The following PRMT3 variants were observed in gnomAD, a reference collection of about 807,000 sequenced individuals.
The protein encoded by PRMT3 is protein arginine N-methyltransferase 3.
A neutral mutation model predicts 71.9 loss-of-function variants in PRMT3; 62 were observed. The observed-to-expected ratio is 0.86, with a 90% confidence interval of 0.70 to 1.07. PRMT3 has a LOEUF of 1.07. Among genes scored for constraint, PRMT3 ranks in the 50% least tolerant of loss-of-function variants. PRMT3 has a pLI of 0.00. For missense variants in PRMT3, 663 were observed against 643.0 expected, an observed-to-expected ratio of 1.03 and a Z score of -0.34; for synonymous variants, 213 against 220.4, an observed-to-expected ratio of 0.97 and a Z score of 0.30.
At chr11:20,481,502 G>A (rs1376702727) in intron 13 of PRMT3, among the ~76,000 whole-genome samples, 1 of 152,050 alleles carries the variant, frequency 6.6e-6, no homozygotes, top group Non-Finnish European at 1.5e-5. Flanking sequence ...CTGGAGCCCA[G>A]CCAAAGAAAT....
At chr11:20,492,448 C>T (rs561374002) in intron 13 of PRMT3, among the ~76,000 whole-genome samples, 1 of 152,176 alleles carries the variant, frequency 6.6e-6, no homozygotes, top group Admixed American at 6.5e-5. Context: ...TATTTTGATT[C>T]TCTCTTGGTA....
chr11:20,472,132 A>G (rs1407202239), intron 13 of PRMT3, among the ~76,000 whole-genome samples: 2 of 152,188 alleles, frequency 1.3e-5, no homozygotes, highest in Non-Finnish European at 2.9e-5. Context: ...ATACAGGATC[A>G]TGTCATCTGC....
chr11:20,447,068 A>C (rs1284570967), intron 10 of PRMT3, among the ~76,000 whole-genome samples: 1 of 152,196 alleles, frequency 6.6e-6, no homozygotes, highest in Non-Finnish European at 1.5e-5. Context: ...CATTGAAAAA[A>C]CTTTGCAGTA....
intron 11 of PRMT3, among the ~76,000 whole-genome samples, chr11:20,459,749 T>A (rs1188108869): frequency 6.6e-6 from 1 of 152,248 alleles, no homozygotes; most frequent in African/African-American, 2.4e-5. Flanking sequence ...TCTGAATTCT[T>A]ATTTTTTTAT....
intron 9 of PRMT3, among the ~76,000 whole-genome samples, chr11:20,413,099 C>T (rs1267974016): frequency 6.6e-6 from 1 of 152,136 alleles, no homozygotes; most frequent in Non-Finnish European, 1.5e-5. Context: ...AAAAGCAGGC[C>T]TTTTTGTTTT....
chr11:20,397,977 C>A (rs1848864960), intron 7 of PRMT3, among the ~76,000 whole-genome samples: 1 of 138,324 alleles, frequency 7.2e-6, no homozygotes, highest in Non-Finnish European at 1.5e-5. Flanking sequence ...AGTTTGACAC[C>A]AGCCTGGGCA....
rs187684720 is a variant in PRMT3 at position 20,427,353 on chromosome 11, G to C, written c.993+488G>C. ...GCTGTTACTGAAATATTAAAAGGAA[G>C]GTATGTTACATAGCTTTATAATTTG... On this transcript the variant is annotated intron_variant, in intron 10 of 15. Coordinates refer to ENST00000331079, the MANE Select transcript of PRMT3 (RefSeq NM_005788.4). Among the ~76,000 whole-genome samples the C allele has an allele frequency of 1.1e-4, 16 of 152,182 alleles. No homozygotes were observed. In the East Asian group the frequency reaches 3.1e-3, roughly 29 times the overall value.
intron 9 of PRMT3, among the ~76,000 whole-genome samples, chr11:20,408,238 T>C (rs1849116248): frequency 6.6e-6 from 1 of 152,082 alleles, no homozygotes; most frequent in African/African-American, 2.4e-5. Context: ...CAGTTCTCAT[T>C]GATGAGAATT....
In PRMT3 at chr11:20,504,707, T is replaced by TGTGAGAGAGAGAGAGAGA. The variant is rs1332372470; in HGVS notation, c.1487-3596_1487-3595insTGAGAGAGAGAGAGAGAG. Among the ~76,000 whole-genome samples, 152 of 133,588 alleles carry TGTGAGAGAGAGAGAGAGA rather than the reference T, an allele frequency of 1.1e-3. 1 individual carries two copies. The highest frequency in any genetic ancestry group is 4.4e-3 in the African/African-American group (144 of 33,078). 87.6% of individuals were successfully genotyped at this position (133,588 alleles called of 152,430 possible). On this transcript the variant is annotated intron_variant, in intron 15 of 15. Coordinates refer to ENST00000331079, the MANE Select transcript of PRMT3 (RefSeq NM_005788.4). Reference sequence around the variant, plus strand: ...TATTGTATGTGTGTGTGTGTGTGTGTGAGAGAGAGAGAGAGAGAGAGAGAG... The same window carrying TGTGAGAGAGAGAGAGAGA: ...TATTGTATGTGTGTGTGTGTGTGTGTGTGAGAGAGAGAGAGAGAGAGAGAGAGAGAGAGAGAGAGAGAG...
chr11:20,497,337 C>T (rs944758439), intron 15 of PRMT3, among the ~76,000 whole-genome samples: 9 of 152,128 alleles, frequency 5.9e-5, no homozygotes, highest in African/African-American at 2.2e-4. Context: ...GCTGGCACCA[C>T]CTGTGTTTCT....
intron 8 of PRMT3, chr11:20,406,003 C>G (rs1849061532): frequency 6.6e-6 from 1 of 152,176 alleles, no homozygotes; most frequent in East Asian, 1.9e-4. Flanking sequence ...CACTGTTCTA[C>G]TTTCTGTCTC....
At chr11:20,446,701 T>C (rs1340819945) in intron 10 of PRMT3, among the ~76,000 whole-genome samples, 1 of 152,186 alleles carries the variant, frequency 6.6e-6, no homozygotes, top group East Asian at 1.9e-4. Flanking sequence ...CCAAGAATTC[T>C]ACTTTAAGAA....
intron 12 of PRMT3, 112 bp downstream of exon 12, chr11:20,462,279 C>A: frequency 1.2e-6 from 1 of 839,792 alleles, no homozygotes; most frequent in Non-Finnish European, 1.8e-6. Flanking sequence ...AGTACTTTTC[C>A]CATTGTAATC....
intron 15 of PRMT3, 58 bp downstream of exon 15, chr11:20,494,312 T>G (rs1044574777): frequency 2.2e-5 from 30 of 1,362,966 alleles, no homozygotes; most frequent in Non-Finnish European, 3.1e-5. Flanking sequence ...ATGATATTCA[T>G]TCATTTTACA....
chr11:20,448,917 C>T (rs1055607057), intron 10 of PRMT3, among the ~76,000 whole-genome samples: 1 of 152,122 alleles, frequency 6.6e-6, no homozygotes, highest in Non-Finnish European at 1.5e-5. Flanking sequence ...CCAGATGGCA[C>T]CCCTACAGGT....
intron 5 of PRMT3, 77 bp from the exon 6 acceptor site, chr11:20,395,726 G>T: frequency 1.5e-6 from 2 of 1,374,710 alleles, no homozygotes; most frequent in Non-Finnish European, 2.0e-6. Flanking sequence ...AACTTAGGGC[G>T]TATTTATTCC....
At chr11:20,424,408 A>G (rs1849496880) in intron 9 of PRMT3, among the ~76,000 whole-genome samples, 1 of 152,202 alleles carries the variant, frequency 6.6e-6, no homozygotes, top group African/African-American at 2.4e-5. Flanking sequence ...GTTTTTGACA[A>G]AGATATCAAA....
chr11:20,487,705 A>G (rs1322253836), intron 13 of PRMT3, among the ~76,000 whole-genome samples: 2 of 152,202 alleles, frequency 1.3e-5, no homozygotes, highest in African/African-American at 4.8e-5. Flanking sequence ...AGTAAATTTC[A>G]ATGAATATGG....
intron 13 of PRMT3, among the ~76,000 whole-genome samples, chr11:20,477,918 C>T (rs1436385474): frequency 6.6e-6 from 1 of 151,784 alleles, no homozygotes; most frequent in African/African-American, 2.4e-5. Context: ...TGGATTTCTC[C>T]AAATTCCAGG....
Sources: allele counts gnomAD v4.1 joint callset (sites outside exome capture counted in the v4.1 genomes callset), GRCh38; gene constraint gnomAD v4.1.1; transcripts MANE v1.5; gene names NCBI Gene and HGNC (gene_info 2026-07-23, HGNC 2026-07-21).